The following KLHL32 variants were observed in gnomAD, a reference collection of about 807,000 sequenced individuals.
KLHL32 encodes kelch like family member 32.
KLHL32 carries 35 observed loss-of-function variants against 64.8 expected under a neutral mutation model. That is an observed-to-expected ratio of 0.54 (90% CI 0.41 to 0.72). KLHL32 has a LOEUF of 0.72. Among genes scored for constraint, KLHL32 ranks in the 30% least tolerant of loss-of-function variants. The pLI, the probability that KLHL32 is intolerant of heterozygous loss-of-function variation, is 0.00. For synonymous variants in KLHL32, 259 were observed against 281.0 expected, an observed-to-expected ratio of 0.92 and a Z score of 0.78; for missense variants, 589 against 768.5, an observed-to-expected ratio of 0.77 and a Z score of 2.76.
chr6:97,056,902 G>A (rs1018886762), intron 4 of KLHL32, among the ~76,000 whole-genome samples: 6 of 152,160 alleles, frequency 3.9e-5, no homozygotes, highest in South Asian at 2.1e-4. Flanking sequence ...AGTTTATTTC[G>A]CAACTACTCA....
intron 3 of KLHL32, among the ~76,000 whole-genome samples, chr6:97,012,487 C>G (rs556792602): frequency 6.6e-5 from 10 of 152,288 alleles, no homozygotes; most frequent in African/African-American, 2.2e-4. Flanking sequence ...CTGCTGACAC[C>G]TTGATTTTAG....
At chr6:97,049,115 C>T (rs1786411595) in intron 4 of KLHL32, among the ~76,000 whole-genome samples, 1 of 152,170 alleles carries the variant, frequency 6.6e-6, no homozygotes, top group South Asian at 2.1e-4. Context: ...ATGCCTGAAA[C>T]CTCAGATAAG....
At chr6:96,945,801 T>A (rs1483388458) in intron 1 of KLHL32, among the ~76,000 whole-genome samples, 1 of 152,160 alleles carries the variant, frequency 6.6e-6, no homozygotes, top group Admixed American at 6.5e-5. Flanking sequence ...GGCATGAACC[T>A]GGGCCCCGTT....
chr6:97,003,005 T>C lies in KLHL32; in HGVS notation c.204+26828T>C, dbSNP rs1779227884. On this transcript the variant is annotated intron_variant, in intron 3 of 10. Transcript: ENST00000369261. ...AAAATATATATATTCCTATATTCCT[T>C]TGGGTATGTACCCAATAATGTGATT... Among the ~76,000 whole-genome samples, 4 of 152,346 alleles carry C rather than the reference T, an allele frequency of 2.6e-5. No individual in the cohort carries two copies. The South Asian group carries it at 8.3e-4, about 32-fold the overall frequency.
intron 4 of KLHL32, among the ~76,000 whole-genome samples, chr6:97,055,695 G>C (rs2128140865): frequency 6.6e-6 from 1 of 150,556 alleles, no homozygotes; most frequent in Admixed American, 6.6e-5. Flanking sequence ...CTAGTTGAGA[G>C]GTTGACGTGA....
At chr6:97,135,799 G>A (rs767235720) in intron 10 of KLHL32, among the ~76,000 whole-genome samples, 68 of 152,228 alleles carry the variant, frequency 4.5e-4, no homozygotes, top group African/African-American at 1.3e-3. Flanking sequence ...TATGGATGAC[G>A]ATAGAACAAT....
intron 10 of KLHL32, among the ~76,000 whole-genome samples, chr6:97,138,895 T>A (rs565653930): frequency 5.9e-5 from 9 of 152,324 alleles, no homozygotes; most frequent in African/African-American, 2.2e-4. Context: ...TGCTTATAAA[T>A]ATACATGTAT....
chr6:96,918,167 T>C, the KLHL32 span, among the ~76,000 whole-genome samples: 12 of 152,184 alleles, frequency 7.9e-5, no homozygotes, highest in Non-Finnish European at 1.5e-4. Context: ...AAGGCAGCCA[T>C]GTAGTCTCAC....
At chr6:96,906,317 A>C in the KLHL32 span, among the ~76,000 whole-genome samples, 102 of 152,300 alleles carry the variant, frequency 6.7e-4, no homozygotes, top group African/African-American at 2.3e-3. Flanking sequence ...TGAATACAGC[A>C]AGAATAAAGT....
Position 97,139,195 on chromosome 6 carries a change from A to G in KLHL32, c.1776A>G (p.Ile592Met). 1.2e-6 allele frequency: 2 copies of G among 1,613,944 alleles called. No individual in the cohort carries two copies. The highest frequency in any genetic ancestry group is 1.6e-4 in the Middle Eastern group (1 of 6,062). Residue 592 changes from isoleucine (I) to methionine (M), a missense_variant, in exon 11 of 11, where the codon ATA (isoleucine) becomes ATG (methionine). Transcript: ENST00000369261. Reference sequence around the variant, plus strand: ...CACTCCCTTTTGCTTCCAATGGAATAGCAGCATGCTTCCTTCCAGCTCCAT... The same window carrying G: ...CACTCCCTTTTGCTTCCAATGGAATGGCAGCATGCTTCCTTCCAGCTCCAT... ...GPTLPFASNGIAACFLPAPYF... is the reference protein window; with the variant it reads ...GPTLPFASNGMAACFLPAPYF...
chr6:97,133,853 T>C (rs1262966087), intron 10 of KLHL32, among the ~76,000 whole-genome samples: 1 of 152,254 alleles, frequency 6.6e-6, no homozygotes, highest in Non-Finnish European at 1.5e-5. Flanking sequence ...GACTGAGCAG[T>C]TGGAAAGACT....
At chr6:96,991,735 A>G (rs1433208343) in intron 3 of KLHL32, among the ~76,000 whole-genome samples, 2 of 151,664 alleles carry the variant, frequency 1.3e-5, no homozygotes, top group African/African-American at 4.8e-5. Flanking sequence ...CAGCAAAAGT[A>G]GTAGCTTGCC....
intron 4 of KLHL32, among the ~76,000 whole-genome samples, chr6:97,053,905 C>T (rs1787367561): frequency 6.6e-6 from 1 of 152,042 alleles, no homozygotes. Flanking sequence ...ACATAGACTA[C>T]ACATAATGTA....
intron 6 of KLHL32, among the ~76,000 whole-genome samples, chr6:97,101,156 A>G (rs1795675644): frequency 6.6e-6 from 1 of 151,988 alleles, no homozygotes. Flanking sequence ...CAAAGGCCTA[A>G]TGCTCTCAGG....
intron 5 of KLHL32, among the ~76,000 whole-genome samples, chr6:97,074,441 C>T (rs1791266501): frequency 6.6e-6 from 1 of 151,972 alleles, no homozygotes; most frequent in Admixed American, 6.6e-5. Flanking sequence ...ATTTGAATTG[C>T]TCCTAGTAAC....
At chr6:97,080,627 T>C (rs1447982086) in intron 5 of KLHL32, among the ~76,000 whole-genome samples, 2 of 152,112 alleles carry the variant, frequency 1.3e-5, no homozygotes, top group African/African-American at 4.8e-5. Flanking sequence ...CCCAGGGAAG[T>C]TGAAAAGATG....
chr6:96,983,358 C>T (rs1382537076), intron 3 of KLHL32, among the ~76,000 whole-genome samples: 1 of 152,296 alleles, frequency 6.6e-6, no homozygotes, highest in East Asian at 1.9e-4. Context: ...TGTTGTGTCT[C>T]TGCCAGGCTT....
At chr6:96,945,809 G>A (rs951134437) in intron 1 of KLHL32, among the ~76,000 whole-genome samples, 2 of 152,100 alleles carry the variant, frequency 1.3e-5, no homozygotes, top group African/African-American at 2.4e-5. Context: ...CCTGGGCCCC[G>A]TTGGTGTCTA....
At chr6:96,928,133 A>G (rs556013344) in intron 1 of KLHL32, among the ~76,000 whole-genome samples, 61 of 152,348 alleles carry the variant, frequency 4.0e-4, no homozygotes, top group African/African-American at 1.4e-3. Flanking sequence ...CAATGGAAAT[A>G]TAAGATTCCA....
Sources: allele counts gnomAD v4.1 joint callset (sites outside exome capture counted in the v4.1 genomes callset), GRCh38; gene constraint gnomAD v4.1.1; transcripts MANE v1.5; gene names NCBI Gene and HGNC (gene_info 2026-07-23, HGNC 2026-07-21).